DCUN1D1: variants seen among roughly 807,000 people sequenced by gnomAD.
The protein encoded by DCUN1D1 is defective in cullin neddylation 1 domain containing 1, also known as DCN1-like protein 1.
Under a neutral mutation model 39.0 loss-of-function variants are expected in DCUN1D1, and 3 were observed. The observed-to-expected ratio is 0.08, with a 90% CI of 0.04 to 0.20. The LOEUF is 0.20. DCUN1D1 is among the 10% of genes least tolerant of loss of function. The probability of loss-of-function intolerance (pLI) is 1.00; values close to 1 mark genes in which losing one functional copy is unlikely to be tolerated. For synonymous variants in DCUN1D1, 82 were observed against 96.3 expected (o/e 0.85, Z 0.87); for missense variants, 158 against 302.4 (o/e 0.52, Z 3.54).
In DCUN1D1 at chr3:182,942,986, T is replaced by C. The variant is rs1255395485; in HGVS notation, c.*2108A>G. The C allele has an allele frequency of 3.9e-5, 6 of 151,918 alleles. No individual in the cohort carries two copies. The highest frequency in any genetic ancestry group is 8.8e-5 in the Non-Finnish European group (6 of 67,814). 9.4% of individuals were successfully genotyped at this position (151,918 alleles called of 1,614,324 possible). ...TTTATAATTACACAGTAATTATAAATGTTTAGTACCAACCTGATGACAAAC... is the reference window on the plus strand; with the variant it reads ...TTTATAATTACACAGTAATTATAAACGTTTAGTACCAACCTGATGACAAAC... On this transcript the variant is annotated 3_prime_UTR_variant, in exon 7 of 7. Transcript: ENST00000292782.
intron 1 of DCUN1D1, among the ~76,000 whole-genome samples, chr3:182,970,704 G>A (rs1267466396): frequency 6.6e-6 from 1 of 152,166 alleles, no homozygotes; most frequent in Admixed American, 6.5e-5. Flanking sequence ...TAAAAGCTCT[G>A]TATGTTGTTA....
chr3:182,971,879 T>C (rs982083798), intron 1 of DCUN1D1, among the ~76,000 whole-genome samples: 46 of 152,230 alleles, frequency 3.0e-4, no homozygotes, highest in African/African-American at 1.0e-3. Context: ...AGGGCAAAAG[T>C]GCAACCACTG....
At chr3:182,968,665 T>C (rs925534983) in intron 1 of DCUN1D1, among the ~76,000 whole-genome samples, 1 of 151,984 alleles carries the variant, frequency 6.6e-6, no homozygotes, top group Non-Finnish European at 1.5e-5. Flanking sequence ...AGTGGCACCA[T>C]CTCAGCTCAC....
chr3:182,944,229 A>G lies in DCUN1D1; in HGVS notation c.*865T>C, dbSNP rs1490076458. ...ATTGTGTAGCAATCCAAAACATTCA[A>G]AACAAATTAAATAGTTTAACTTATG... is the stretch of plus-strand genomic sequence containing the variant. On this transcript the variant is annotated 3_prime_UTR_variant, in exon 7 of 7. Transcript: ENST00000292782. 1 of 152,668 alleles carries G rather than the reference A, an allele frequency of 6.6e-6. No homozygotes were observed. Among genetic ancestry groups the G allele is most frequent in the African/African-American group, 2.4e-5 (1 of 41,464 alleles). 9.5% of individuals were successfully genotyped at this position (152,668 alleles called of 1,614,324 possible). A position where few individuals can be genotyped will look rare whatever the true frequency, so the allele number is the denominator to read the frequency against.
chr3:182,983,662 G>A (rs975031530), upstream of DCUN1D1, among the ~76,000 whole-genome samples: 6 of 151,818 alleles, frequency 4.0e-5, no homozygotes, highest in African/African-American at 1.5e-4. Flanking sequence ...AGCTGAGATC[G>A]CGCCACTGCA....
At chr3:182,979,150 C>A (rs1415831399) in intron 1 of DCUN1D1, among the ~76,000 whole-genome samples, 1 of 152,212 alleles carries the variant, frequency 6.6e-6, no homozygotes, top group Non-Finnish European at 1.5e-5. Context: ...TAATACTAAT[C>A]TATACATTAA....
intron 1 of DCUN1D1, 134 bp from the exon 2 acceptor site, chr3:182,965,887 T>A: frequency 1.6e-6 from 1 of 643,264 alleles, no homozygotes; most frequent in Non-Finnish European, 2.7e-6. Context: ...TTAAGATTTA[T>A]TTTTGATCTA....
At chr3:182,961,115 G>A (rs1727359647) in intron 4 of DCUN1D1, 111 bp downstream of exon 4, 1 of 769,758 alleles carries the variant, frequency 1.3e-6, no homozygotes, top group Non-Finnish European at 2.0e-6. Context: ...TCAATAACTG[G>A]TATTTTCATG....
chr3:182,958,027 T>C (rs1013153793), intron 4 of DCUN1D1, among the ~76,000 whole-genome samples: 1 of 151,406 alleles, frequency 6.6e-6, no homozygotes, highest in Non-Finnish European at 1.5e-5. Flanking sequence ...AACCACAGGG[T>C]TGTCACTCAC....
intron 4 of DCUN1D1, 93 bp downstream of exon 4, chr3:182,961,133 G>T: frequency 2.1e-6 from 2 of 933,290 alleles, no homozygotes; most frequent in South Asian, 1.8e-5. Context: ...ATGACTTTAT[G>T]CTCAAAACAC....
chr3:182,970,417 C>G (rs943142890), intron 1 of DCUN1D1, among the ~76,000 whole-genome samples: 1 of 152,112 alleles, frequency 6.6e-6, no homozygotes, highest in African/African-American at 2.4e-5. Flanking sequence ...CAACTAAGTC[C>G]TAACAATTGC....
In DCUN1D1 at chr3:182,947,594, T is replaced by G; in HGVS notation, c.559A>C (p.Asn187His). ...MAIAYWNLVLNGRFKFLDLWN... is the reference protein window; with the variant it reads ...MAIAYWNLVLHGRFKFLDLWN... ...AAGTCTAAGAATTTAAATCTTCCAT[T>G]AAGCACTAAGTTCCAGTAGGCAATG... The change falls in exon 5 of 7, where the codon AAT (asparagine) becomes CAT (histidine). Residue 187 changes from asparagine (N) to histidine (H), a missense_variant. This residue lies in a region of DCUN1D1 where 107 missense variants were observed against 174.7 expected (regional missense o/e 0.61). Coordinates refer to ENST00000292782, the MANE Select transcript of DCUN1D1 (RefSeq NM_020640.4). The G allele has an allele frequency of 6.3e-7, 1 of 1,591,488 alleles. No homozygotes were observed. The highest frequency in any genetic ancestry group is 8.6e-7 in the Non-Finnish European group (1 of 1,164,782).
At position 182,938,083 on chromosome 3, in the gene DCUN1D1, C is replaced by T. The variant is rs1013200823; in HGVS notation, c.*7011G>A. 3 of 151,966 alleles carry T rather than the reference C, an allele frequency of 2.0e-5. No homozygotes were observed. Among genetic ancestry groups the T allele is most frequent in the African/African-American group, 7.2e-5 (3 of 41,396 alleles). 9.4% of individuals were successfully genotyped at this position (151,966 alleles called of 1,614,324 possible). A position where few individuals can be genotyped will look rare whatever the true frequency, so the allele number is the denominator to read the frequency against. On this transcript the variant is annotated 3_prime_UTR_variant, in exon 7 of 7. Coordinates refer to ENST00000292782, the MANE Select transcript of DCUN1D1 (RefSeq NM_020640.4). ...TTGTAAGAGTTCTGGATACAAGTCACGATGTATTTTTAAGTTAAAGGAAAA... is the reference window on the plus strand; with the variant it reads ...TTGTAAGAGTTCTGGATACAAGTCATGATGTATTTTTAAGTTAAAGGAAAA...
chr3:182,965,518 G>A lies in DCUN1D1; in HGVS notation c.220+19C>T, dbSNP rs996330945. The A allele has an allele frequency of 4.5e-6, 7 of 1,555,932 alleles. No homozygotes were observed. The Admixed American group carries it at 1.1e-4, about 24-fold the overall frequency. The stretch of plus-strand genomic sequence containing the variant: ...AAATCTGGTCCAAAATTTACTTAAA[G>A]TCACAAGCAAGCACTCACCTTTGTA... On this transcript the variant is annotated intron_variant, in intron 2 of 6. Coordinates refer to ENST00000292782, the MANE Select transcript of DCUN1D1 (RefSeq NM_020640.4).
At chr3:182,978,393 A>G (rs898122648) in intron 1 of DCUN1D1, among the ~76,000 whole-genome samples, 1 of 151,982 alleles carries the variant, frequency 6.6e-6, no homozygotes, top group African/African-American at 2.4e-5. Context: ...CTTTCTTATT[A>G]TTTTTTTTAA....
chr3:182,954,624 A>T (rs1050530742), intron 4 of DCUN1D1, among the ~76,000 whole-genome samples: 1 of 152,226 alleles, frequency 6.6e-6, no homozygotes, highest in African/African-American at 2.4e-5. Context: ...GAAAAAAGGT[A>T]AAAACAATGT....
At chr3:182,974,554 T>C (rs562442641) in intron 1 of DCUN1D1, among the ~76,000 whole-genome samples, 3 of 151,768 alleles carry the variant, frequency 2.0e-5, no homozygotes, top group East Asian at 3.9e-4. Flanking sequence ...CATACTATAT[T>C]TGTTTCACAG....
chr3:182,951,619 A>C lies in DCUN1D1; in HGVS notation c.521-3987T>G, dbSNP rs1186233827. ...TGACAGAGAGAGACCCTGTCTCCCA[A>C]AAAAAAAAAAAAAAAAAAAAAAAAA... On this transcript the variant is annotated intron_variant, in intron 4 of 6. Transcript: ENST00000292782. Among the ~76,000 whole-genome samples, 9 of 27,440 alleles carry C rather than the reference A, an allele frequency of 3.3e-4. 1 individual carries two copies. Among genetic ancestry groups the C allele is most frequent in the African/African-American group, 9.7e-4 (6 of 6,190 alleles). The allele number at this position is 27,440 out of a possible 152,430, so 18.0% of individuals were successfully genotyped here. A position where few individuals can be genotyped will look rare whatever the true frequency, so the allele number is the denominator to read the frequency against.
In DCUN1D1 at chr3:182,944,864, T is replaced by C. The variant is rs1224959832; in HGVS notation, c.*230A>G. 9.2e-6 allele frequency: 4 copies of C among 432,892 alleles called. No homozygotes were observed. In the South Asian group the frequency reaches 1.0e-4, roughly 11 times the overall value. 26.8% of individuals were successfully genotyped at this position (432,892 alleles called of 1,614,324 possible). ...CAGATATAAGATGAAATCCACAATG[T>C]TGGAATTATAAATGTTTAGAGCGGC... On this transcript the variant is annotated 3_prime_UTR_variant, in exon 7 of 7. Transcript: ENST00000292782.
Sources: gnomAD v4.1 joint callset for allele counts (sites outside exome capture counted in the v4.1 genomes callset) on GRCh38, gnomAD v4.1.1 for gene constraint, gnomAD v4.1.1 regional missense constraint, MANE v1.5 for transcripts, NCBI Gene and HGNC (gene_info 2026-07-23, HGNC 2026-07-21) for gene names.